The following BLNK variants were observed in gnomAD, a reference collection of about 807,000 sequenced individuals.
The protein encoded by BLNK is B cell linker, also known as B-cell linker protein.
A neutral mutation model predicts 73.5 loss-of-function variants in BLNK; 29 were observed. That is an observed-to-expected ratio of 0.39 (90% CI 0.29 to 0.54). The LOEUF is 0.54. Among genes scored for constraint, BLNK ranks in the 20% least tolerant of loss-of-function variants. The pLI is 0.61. For missense variants in BLNK, 460 were observed against 562.8 expected (o/e 0.82, Z 1.85); for synonymous variants, 176 against 200.8 (o/e 0.88, Z 1.04).
intron 1 of BLNK, among the ~76,000 whole-genome samples, chr10:96,257,644 C>T (rs1201028872): frequency 6.6e-6 from 1 of 152,230 alleles, no homozygotes; most frequent in Non-Finnish European, 1.5e-5. Context: ...ATATTAAATA[C>T]TATTTGTATC....
chr10:96,227,437 G>A lies in BLNK; in HGVS notation c.334C>T (p.Leu112=), dbSNP rs1842316025. The A allele has an allele frequency of 1.2e-6, 2 of 1,614,168 alleles. No homozygotes were observed. Among genetic ancestry groups the A allele is most frequent in the Non-Finnish European group, 1.7e-6 (2 of 1,180,050 alleles). Residue 112 remains leucine (L), a synonymous_variant, in exon 5 of 17, where the codon CTG becomes TTG. Coordinates refer to ENST00000224337, the MANE Select transcript of BLNK (RefSeq NM_013314.4). ...EQETRPVHPA[L]PFARGEYIDN... ...ATATACTCGCCTCTGGCGAAGGGCA[G>A]GGCTGGGTGAACCGGCCTGGTTTCC...
At chr10:96,243,191 A>G (rs73316895) in intron 2 of BLNK, among the ~76,000 whole-genome samples, 6,939 of 152,258 alleles carry the variant, frequency 0.046, 488 homozygotes, top group African/African-American at 0.15. Context: ...ACAGGAAAAA[A>G]TCAGCTACAA....
rs1842361416 is a variant in BLNK at position 96,228,343 on chromosome 10, T to C, written c.205-777A>G. Among the ~76,000 whole-genome samples, 3 of 152,286 alleles carry C rather than the reference T, an allele frequency of 2.0e-5. No individual in the cohort carries two copies. The South Asian group carries it at 6.2e-4, about 32-fold the overall frequency. ...CAGGATCTCAGCTCACTGCAACCTC[T>C]ACTTCCTGGGTTCAAGTTATTCTCC... On this transcript the variant is annotated intron_variant, in intron 4 of 16. Transcript: ENST00000224337.
At chr10:96,231,726 C>CAAAAAAAAAAAAAAAAAAAAAAACAAAAA (rs148206344) in intron 3 of BLNK, among the ~76,000 whole-genome samples, 1 of 113,262 alleles carries the variant, frequency 8.8e-6, no homozygotes, top group Non-Finnish European at 1.9e-5. Flanking sequence ...GACCCTGTCT[C>CAAAAAAAAAAAAAAAAAAAAAAACAAAAA]AAAAAAAAAA....
Position 96,190,126 on chromosome 10 carries a change from T to C in BLNK, c.*1847A>G. ...GTGCTCATTTTCATCATTATCCACC[T>C]TAAAGTGATCATCTTTGTCGGCCTT... On this transcript the variant is annotated 3_prime_UTR_variant, in exon 17 of 17. Coordinates refer to ENST00000224337, the MANE Select transcript of BLNK (RefSeq NM_013314.4). The C allele has an allele frequency of 2.0e-6, 2 of 997,034 alleles. No individual in the cohort carries two copies. Among genetic ancestry groups the C allele is most frequent in the Non-Finnish European group, 3.2e-6 (2 of 633,738 alleles). 61.8% of individuals were successfully genotyped at this position (997,034 alleles called of 1,614,324 possible). A position where few individuals can be genotyped will look rare whatever the true frequency, so the allele number is the denominator to read the frequency against.
intron 8 of BLNK, among the ~76,000 whole-genome samples, chr10:96,214,358 G>A (rs1241719717): frequency 6.6e-6 from 1 of 152,114 alleles, no homozygotes; most frequent in Non-Finnish European, 1.5e-5. Context: ...TGGGGGTAGG[G>A]GTGACATGGC....
chr10:96,202,239 C>G (rs1186295277), intron 13 of BLNK, among the ~76,000 whole-genome samples: 1 of 152,058 alleles, frequency 6.6e-6, no homozygotes, highest in Non-Finnish European at 1.5e-5. Flanking sequence ...GGGTTTTGAA[C>G]AGGGGGGTAA....
chr10:96,227,823 C>G lies in BLNK; in HGVS notation c.205-257G>C, dbSNP rs11188670. Among the ~76,000 whole-genome samples the G allele has an allele frequency of 8.9e-3, 1,361 of 152,286 alleles. 10 individuals carry two copies. The highest frequency in any genetic ancestry group is 0.02 in the Middle Eastern group (6 of 294). The stretch of plus-strand genomic sequence containing the variant: ...TACTTAACGCTAATGGGAGCTGACA[C>G]TCTGTAGATCCACAACAAATAACAA... On this transcript the variant is annotated intron_variant, in intron 4 of 16. Coordinates refer to ENST00000224337, the MANE Select transcript of BLNK (RefSeq NM_013314.4).
In BLNK at chr10:96,190,887, T is replaced by A. The variant is rs181115268; in HGVS notation, c.*1086A>T. On this transcript the variant is annotated 3_prime_UTR_variant, in exon 17 of 17. Coordinates refer to ENST00000224337, the MANE Select transcript of BLNK (RefSeq NM_013314.4). ...TTTTCTGCTCTTGTTTTGTGGGATA[T>A]TTCTCTAGGAACTGGCTTTTAGTCT... Among the ~76,000 whole-genome samples the A allele has an allele frequency of 6.6e-6, 1 of 152,328 alleles. No individual in the cohort carries two copies. The highest frequency in any genetic ancestry group is 1.9e-4 in the East Asian group (1 of 5,190).
In BLNK at chr10:96,201,038, G is replaced by C; in HGVS notation, c.955C>G (p.Pro319Ala). 1 of 1,614,028 alleles carries C rather than the reference G, an allele frequency of 6.2e-7. No individual in the cohort carries two copies. Among genetic ancestry groups the C allele is most frequent in the South Asian group, 1.1e-5 (1 of 91,076 alleles). ...CTGGGTAGGGGCCCATCCACAGTTG[G>C]GTTTCCCCCTTCTGTAAATCCTGAA... is the stretch of plus-strand genomic sequence containing the variant. ...PLPRFTEGGN[P>A]TVDGPLPSFS... is the part of the protein sequence containing the mutation. Residue 319 changes from proline to alanine, a missense_variant, in exon 14 of 17, where the codon CCA becomes GCA. Around this residue, in one of 3 missense-constraint regions of BLNK, gnomAD observed 233 missense variants for 232.1 expected, o/e 1.00. Transcript: ENST00000224337.
chr10:96,195,162 C>G (rs1288546163), intron 16 of BLNK, among the ~76,000 whole-genome samples: 1 of 152,150 alleles, frequency 6.6e-6, no homozygotes, highest in African/African-American at 2.4e-5. Context: ...CAGAATATAA[C>G]AAGTGCTGGT....
chr10:96,270,615 A>G (rs1271438229), intron 1 of BLNK, among the ~76,000 whole-genome samples: 1 of 127,092 alleles, frequency 7.9e-6, no homozygotes, highest in African/African-American at 4.8e-5. Flanking sequence ...AAGTATAATA[A>G]AAAAAAAAAA....
Position 96,223,853 on chromosome 10 carries a change from G to A in BLNK, c.498C>T (p.Pro166=), listed in dbSNP as rs1554901767. 6.2e-7 allele frequency: 1 copy of A among 1,613,916 alleles called. No individual in the cohort carries two copies. The highest frequency in any genetic ancestry group is 8.5e-7 in the Non-Finnish European group (1 of 1,180,032). ...LTALQKPQVP[P]KPKGLLEDEA... is the part of the protein sequence containing the mutation. The stretch of plus-strand genomic sequence containing the variant: ...CATCCTCAAGGAGGCCTTTGGGTTT[G>A]GGTGGGACTTGAGGTTTCTGCAAAG... Residue 166 remains proline (P), a synonymous_variant, in exon 6 of 17, where the codon CCC becomes CCT. Transcript: ENST00000224337.
intron 8 of BLNK, among the ~76,000 whole-genome samples, chr10:96,210,618 G>C (rs2083924005): frequency 6.6e-6 from 1 of 152,156 alleles, no homozygotes; most frequent in Non-Finnish European, 1.5e-5. Flanking sequence ...ATCGTTATGA[G>C]GGAGGAAGTG....
intron 6 of BLNK, 90 bp downstream of exon 6, chr10:96,223,736 G>C: frequency 6.7e-7 from 1 of 1,490,292 alleles, no homozygotes; most frequent in East Asian, 2.3e-5. Flanking sequence ...AGGTTGTAAA[G>C]AAGGAGGACA....
intron 12 of BLNK, 45 bp downstream of exon 12, chr10:96,204,487 T>G (rs2083743056): frequency 6.3e-7 from 1 of 1,587,702 alleles, no homozygotes; most frequent in South Asian, 1.1e-5. Context: ...TGTTAATTCC[T>G]GCAGCAACAA....
intron 3 of BLNK, among the ~76,000 whole-genome samples, chr10:96,236,899 A>G (rs1325255447): frequency 1.3e-5 from 2 of 152,056 alleles, no homozygotes; most frequent in Non-Finnish European, 2.9e-5. Context: ...CCTTCACAGG[A>G]TCATTAACAG....
intron 6 of BLNK, among the ~76,000 whole-genome samples, chr10:96,220,213 G>A (rs1299307368): frequency 1.3e-5 from 2 of 152,088 alleles, no homozygotes; most frequent in Non-Finnish European, 2.9e-5. Context: ...AGAGAGAGAT[G>A]CTCTCCTCTC....
At chr10:96,220,278 T>A (rs764061461) in intron 6 of BLNK, among the ~76,000 whole-genome samples, 1 of 152,098 alleles carries the variant, frequency 6.6e-6, no homozygotes, top group Non-Finnish European at 1.5e-5. Flanking sequence ...CACGTGTCCA[T>A]GTCATTAATC....
Sources: allele counts gnomAD v4.1 joint callset (sites outside exome capture counted in the v4.1 genomes callset), GRCh38; gene constraint gnomAD v4.1.1; regional missense constraint gnomAD v4.1.1; transcripts MANE v1.5; gene names NCBI Gene and HGNC (gene_info 2026-07-23, HGNC 2026-07-21).